Variants in FAM184B observed in about 807,000 individuals in gnomAD.
FAM184B encodes family with sequence similarity 184 member B.
In FAM184B, 111 loss-of-function variants were observed where a neutral mutation model predicts 135.9. That is an observed-to-expected ratio of 0.82 (90% CI 0.70 to 0.96). The LOEUF (loss-of-function observed/expected upper bound fraction) is 0.96. Among genes scored for constraint, FAM184B ranks in the 40% least tolerant of loss-of-function variants. The pLI is 0.00. For missense variants in FAM184B, 1,375 were observed against 1,323.9 expected (o/e 1.04, Z -0.60); for synonymous variants, 552 against 524.8 (o/e 1.05, Z -0.71).
rs1385483183 is a variant in FAM184B, at chr4:17,631,590, G to A, written c.*942C>T. On this transcript the variant is annotated 3_prime_UTR_variant, in exon 18 of 18. Coordinates refer to ENST00000265018, the MANE Select transcript of FAM184B (RefSeq NM_015688.2). The stretch of plus-strand genomic sequence containing the variant: ...TTGGTTATTTACAGAAAAACCTTGT[G>A]GTACTTAATTCCAATTCATGTTAAT... 6.6e-6 allele frequency: 1 copy of A among 151,156 alleles called. No homozygotes were observed. The highest frequency in any genetic ancestry group is 1.5e-5 in the Non-Finnish European group (1 of 68,008). The allele number at this position is 151,156 out of a possible 1,614,324, so 9.4% of individuals were successfully genotyped here.
chr4:17,679,614 T>C (rs1716390717), intron 7 of FAM184B, among the ~76,000 whole-genome samples: 1 of 152,148 alleles, frequency 6.6e-6, no homozygotes. Flanking sequence ...GTATGTAAAG[T>C]TCTTTAAGGA....
chr4:17,690,397 A>G (rs1412316898), intron 6 of FAM184B, among the ~76,000 whole-genome samples: 2 of 152,198 alleles, frequency 1.3e-5, no homozygotes, highest in African/African-American at 4.8e-5. Flanking sequence ...GGATAGTGGT[A>G]GCAAGTGAGG....
chr4:17,652,680 C>G (rs1240916798), intron 11 of FAM184B, 150 bp downstream of exon 11: 1 of 937,928 alleles, frequency 1.1e-6, no homozygotes, highest in Admixed American at 2.8e-5. Flanking sequence ...TCTGAGAGCC[C>G]TGGAGCCCTG....
intron 6 of FAM184B, among the ~76,000 whole-genome samples, chr4:17,691,985 G>A (rs982557687): frequency 4.6e-5 from 7 of 151,996 alleles, no homozygotes; most frequent in African/African-American, 7.3e-5. Flanking sequence ...CCCGGGAGGC[G>A]GAGGTTGCAG....
At chr4:17,696,644 T>G (rs1408024438) in intron 5 of FAM184B, among the ~76,000 whole-genome samples, 2 of 152,106 alleles carry the variant, frequency 1.3e-5, no homozygotes, top group African/African-American at 4.8e-5. Context: ...AGACGCTATC[T>G]CTACGAAATT....
chr4:17,652,927 C>A lies in FAM184B; in HGVS notation c.2094G>T (p.Gln698His). The A allele has an allele frequency of 6.4e-7, 1 of 1,551,740 alleles. No individual in the cohort carries two copies. The highest frequency in any genetic ancestry group is 8.7e-7 in the Non-Finnish European group (1 of 1,147,000). ...AGGCCTGGAGCTCCAGTCGGTGTGT[C>A]TGGTGTTGGATCTGGAGGCTGTGGC... is the stretch of plus-strand genomic sequence containing the variant. The part of the protein sequence containing the change: ...ESSHSLQIQH[Q>H]THRLELQALE... Residue 698 changes from glutamine (Q) to histidine (H), a missense_variant, in exon 11 of 18, where the codon CAG becomes CAT. Coordinates refer to ENST00000265018, the MANE Select transcript of FAM184B (RefSeq NM_015688.2).
At chr4:17,639,486 GTT>G (rs1715245584) in intron 13 of FAM184B, 90 bp from the exon 14 acceptor site, 1 of 1,434,708 alleles carries the variant, frequency 7.0e-7, no homozygotes, top group Non-Finnish European at 9.4e-7. Flanking sequence ...TCGCTGCCCA[GTT>G]TGGGAGATCT....
chr4:17,757,348 A>T (rs57762206), intron 1 of FAM184B, among the ~76,000 whole-genome samples: 7,512 of 152,258 alleles, frequency 0.049, 605 homozygotes, highest in African/African-American at 0.17. Flanking sequence ...GCAACATATA[A>T]ATCCTTATTT....
intron 12 of FAM184B, among the ~76,000 whole-genome samples, chr4:17,646,768 G>T (rs1042515023): frequency 6.6e-6 from 1 of 152,168 alleles, no homozygotes; most frequent in African/African-American, 2.4e-5. Flanking sequence ...CTGGGCTTTG[G>T]GAGAATAGCT....
chr4:17,633,605 T>C, intron 17 of FAM184B, 84 bp downstream of exon 17: 1 of 1,246,014 alleles, frequency 8.0e-7, no homozygotes, highest in African/African-American at 1.6e-5. Context: ...TGGAATTTGG[T>C]ACCAGGTGCT....
Position 17,630,965 on chromosome 4 carries a change from G to A in FAM184B, c.*1567C>T, listed in dbSNP as rs775090613. 4 of 152,144 alleles carry A rather than the reference G, an allele frequency of 2.6e-5. No individual in the cohort carries two copies. Among genetic ancestry groups the A allele is most frequent in the Non-Finnish European group, 5.9e-5 (4 of 68,022 alleles). 9.4% of individuals were successfully genotyped at this position (152,144 alleles called of 1,614,324 possible). A position where few individuals can be genotyped will look rare whatever the true frequency, so the allele number is the denominator to read the frequency against. On this transcript the variant is annotated 3_prime_UTR_variant, in exon 18 of 18. Transcript: ENST00000265018. ...CAATGCATAGAATTAACATTGGTTTGTGGGCCACCTTCTGGGCCAGCACCA... is the reference window on the plus strand; with the variant it reads ...CAATGCATAGAATTAACATTGGTTTATGGGCCACCTTCTGGGCCAGCACCA...
chr4:17,709,049 T>C lies in FAM184B; in HGVS notation c.737A>G (p.Gln246Arg), dbSNP rs1302197427. Residue 246 changes from glutamine to arginine, a missense_variant, in exon 2 of 18, where the codon CAG becomes CGG. By Grantham distance (43) the Gln-to-Arg change is conservative. Transcript: ENST00000265018. ...MQQSVSQALW[Q>R]WQEKESDLRK... ...GAGGTCCGACTCCTTCTCCTGCCACTGCCACAGGGCCTGGCTCACCGACTG... is the reference window on the plus strand; with the variant it reads ...GAGGTCCGACTCCTTCTCCTGCCACCGCCACAGGGCCTGGCTCACCGACTG... 6.4e-7 allele frequency: 1 copy of C among 1,550,388 alleles called. No individual in the cohort carries two copies. The highest frequency in any genetic ancestry group is 1.4e-5 in the African/African-American group (1 of 73,036).
At chr4:17,635,188 G>T in intron 15 of FAM184B, 75 bp from the exon 16 acceptor site, 2 of 1,180,692 alleles carry the variant, frequency 1.7e-6, no homozygotes, top group Non-Finnish European at 2.5e-6. Flanking sequence ...GAAGATGGCT[G>T]TGAGGGCAGA....
intron 1 of FAM184B, among the ~76,000 whole-genome samples, chr4:17,737,369 CTTTT>C (rs981928165): frequency 2.1e-5 from 3 of 143,900 alleles, no homozygotes; most frequent in African/African-American, 7.6e-5. Context: ...GAACAGTGTT[CTTTT>C]TTTTTTTTCT....
Position 17,637,099 on chromosome 4 carries a change from T to G in FAM184B, c.2667-454A>C, listed in dbSNP as rs141965054. Among the ~76,000 whole-genome samples the G allele has an allele frequency of 4.2e-3, 644 of 152,210 alleles. 4 individuals carry two copies. The highest frequency in any genetic ancestry group is 0.015 in the African/African-American group (625 of 41,548). ...TGCAGTGCAATGGCGCGGTCTCGGCTCTCTGCAACCTCCGCCTCCCTGGTT... is the reference window on the plus strand; with the variant it reads ...TGCAGTGCAATGGCGCGGTCTCGGCGCTCTGCAACCTCCGCCTCCCTGGTT... On this transcript the variant is annotated intron_variant, in intron 14 of 17. Coordinates refer to ENST00000265018, the MANE Select transcript of FAM184B (RefSeq NM_015688.2).
chr4:17,707,746 A>G lies in FAM184B; in HGVS notation c.933T>C (p.Asn311=). The part of the protein sequence containing the change: ...DVQLKEARQE[N]SELKGTAKKL... ...TTTTTGCAGTGCCTTTCAACTCTGA[A>G]TTCTCCTGTCGAGCCTCCTTAAGCT... Residue 311 remains asparagine, a synonymous_variant, in exon 3 of 18, where the codon AAT becomes AAC. Coordinates refer to ENST00000265018, the MANE Select transcript of FAM184B (RefSeq NM_015688.2). 6.4e-7 allele frequency: 1 copy of G among 1,551,942 alleles called. No homozygotes were observed. The highest frequency in any genetic ancestry group is 8.7e-7 in the Non-Finnish European group (1 of 1,147,028).
chr4:17,714,666 T>C (rs1298776570), intron 1 of FAM184B, among the ~76,000 whole-genome samples: 1 of 152,194 alleles, frequency 6.6e-6, no homozygotes, highest in Non-Finnish European at 1.5e-5. Flanking sequence ...CTATGATTTA[T>C]GACAGTGAAA....
chr4:17,747,876 G>T (rs1214441712), intron 1 of FAM184B, among the ~76,000 whole-genome samples: 2 of 134,716 alleles, frequency 1.5e-5, no homozygotes, highest in Non-Finnish European at 3.1e-5. Context: ...AGCCGAGATT[G>T]CGCCACTGCA....
intron 14 of FAM184B, among the ~76,000 whole-genome samples, chr4:17,637,189 A>G (rs1428481365): frequency 6.6e-6 from 1 of 152,056 alleles, no homozygotes; most frequent in Non-Finnish European, 1.5e-5. Context: ...CCACCGTGCC[A>G]GGGAAATTTT....
Sources: gnomAD v4.1 joint callset for allele counts (sites outside exome capture counted in the v4.1 genomes callset) on GRCh38, gnomAD v4.1.1 for gene constraint, MANE v1.5 for transcripts, NCBI Gene and HGNC (gene_info 2026-07-23, HGNC 2026-07-21) for gene names.